Variants in CFAP299 observed in about 807,000 individuals in gnomAD.
The protein encoded by CFAP299 is cilia and flagella associated protein 299.
In CFAP299, 21 loss-of-function variants were observed where a neutral mutation model predicts 27.0. That is an observed-to-expected ratio of 0.78 (90% CI 0.55 to 1.12). The LOEUF (loss-of-function observed/expected upper bound fraction) is 1.12, where lower values mean the gene tolerates loss of function less well. Ranked by LOEUF, CFAP299 falls within the 50% of genes most tolerant of loss-of-function variation. CFAP299 has a pLI of 0.00. For missense variants in CFAP299, 310 were observed against 276.6 expected (o/e 1.12, Z -0.86); for synonymous variants, 104 against 98.1 (o/e 1.06, Z -0.36).
chr4:80,411,436 C>T (rs1472560471), intron 2 of CFAP299, among the ~76,000 whole-genome samples: 1 of 151,862 alleles, frequency 6.6e-6, no homozygotes, highest in African/African-American at 2.4e-5. Flanking sequence ...ATATATAGTA[C>T]TGGGAAAAAT....
chr4:80,944,308 G>A (rs1050656867), intron 4 of CFAP299, among the ~76,000 whole-genome samples: 1 of 149,882 alleles, frequency 6.7e-6, no homozygotes, highest in Non-Finnish European at 1.5e-5. Flanking sequence ...ATCACATCAC[G>A]TTTGGCTCAC....
chr4:80,647,293 TCAAAC>T (rs1454661401), intron 3 of CFAP299, among the ~76,000 whole-genome samples: 1 of 152,150 alleles, frequency 6.6e-6, no homozygotes, highest in Non-Finnish European at 1.5e-5. Flanking sequence ...TGGAGCTGAA[TCAAAC>T]ATCAGTCAAG....
At chr4:80,847,755 T>G (rs1560442489) in intron 3 of CFAP299, among the ~76,000 whole-genome samples, 1 of 152,186 alleles carries the variant, frequency 6.6e-6, no homozygotes, top group Non-Finnish European at 1.5e-5. Flanking sequence ...AAACAATAGC[T>G]TTTAGGGCTA....
chr4:80,386,224 G>T (rs1724973911), intron 2 of CFAP299: 2 of 1,012,518 alleles, frequency 2.0e-6, no homozygotes, highest in Non-Finnish European at 2.9e-6. Context: ...CATGGCACAT[G>T]GGCCCTCGGC....
intron 3 of CFAP299, among the ~76,000 whole-genome samples, chr4:80,658,049 T>C (rs1740654505): frequency 6.6e-6 from 1 of 152,202 alleles, no homozygotes; most frequent in African/African-American, 2.4e-5. Flanking sequence ...TATTGGTGTG[T>C]AGCAATGCTT....
chr4:80,796,031 G>A (rs1435237910), intron 3 of CFAP299, among the ~76,000 whole-genome samples: 1 of 152,116 alleles, frequency 6.6e-6, no homozygotes, highest in African/African-American at 2.4e-5. Context: ...ACAGTAGCCT[G>A]GACCTATTGC....
intron 4 of CFAP299, among the ~76,000 whole-genome samples, chr4:80,926,388 G>A (rs1003280912): frequency 3.3e-5 from 5 of 151,970 alleles, no homozygotes; most frequent in African/African-American, 1.2e-4. Context: ...GCAAGAGGAT[G>A]ATGGATGAGA....
intron 4 of CFAP299, among the ~76,000 whole-genome samples, chr4:80,907,649 T>C (rs1474715134): frequency 6.6e-6 from 1 of 152,242 alleles, no homozygotes; most frequent in African/African-American, 2.4e-5. Context: ...AAGCCCTTTA[T>C]AAAACCATTA....
intron 2 of CFAP299, among the ~76,000 whole-genome samples, chr4:80,565,398 C>T (rs1048116267): frequency 1.3e-5 from 2 of 151,828 alleles, no homozygotes; most frequent in African/African-American, 4.8e-5. Flanking sequence ...AGAATGTTTG[C>T]TTTTATTAAA....
upstream of CFAP299, among the ~76,000 whole-genome samples, chr4:80,330,993 A>G (rs1030947756): frequency 1.3e-5 from 2 of 152,224 alleles, no homozygotes; most frequent in African/African-American, 4.8e-5. Context: ...TTTGTCAAAT[A>G]CTTTATAATA....
chr4:80,426,596 G>A (rs564152975), intron 2 of CFAP299, among the ~76,000 whole-genome samples: 3 of 152,278 alleles, frequency 2.0e-5, no homozygotes, highest in East Asian at 1.9e-4. Context: ...TTCTTGGGTC[G>A]TCCAGCCCTA....
chr4:80,661,503 G>T (rs1169083852), intron 3 of CFAP299, among the ~76,000 whole-genome samples: 1 of 152,058 alleles, frequency 6.6e-6, no homozygotes, highest in South Asian at 2.1e-4. Context: ...AACATAAATT[G>T]TGAAGATTTA....
chr4:80,512,198 G>C (rs1044384142), intron 2 of CFAP299, among the ~76,000 whole-genome samples: 2 of 150,998 alleles, frequency 1.3e-5, no homozygotes, highest in African/African-American at 4.9e-5. Context: ...GGTTGGTAGT[G>C]ATGGCAGGCA....
At chr4:80,371,212 G>T (rs557643945) in intron 2 of CFAP299, among the ~76,000 whole-genome samples, 1 of 152,322 alleles carries the variant, frequency 6.6e-6, no homozygotes, top group East Asian at 1.9e-4. Flanking sequence ...GGGATGCAGG[G>T]ACTGGTGTCC....
chr4:80,543,801 C>T (rs1734109532), intron 2 of CFAP299, among the ~76,000 whole-genome samples: 1 of 152,178 alleles, frequency 6.6e-6, no homozygotes, highest in African/African-American at 2.4e-5. Flanking sequence ...TTCCCAATCT[C>T]ACTAGAGAGA....
chr4:80,549,867 A>G (rs942079502), intron 2 of CFAP299, among the ~76,000 whole-genome samples: 2 of 152,082 alleles, frequency 1.3e-5, no homozygotes, highest in Non-Finnish European at 2.9e-5. Flanking sequence ...AACACAGTTT[A>G]TTTATATTTT....
chr4:80,788,276 ACT>A (rs1195827848), intron 3 of CFAP299, among the ~76,000 whole-genome samples: 4 of 151,980 alleles, frequency 2.6e-5, no homozygotes, highest in Non-Finnish European at 5.9e-5. Context: ...ACAGTGTCTA[ACT>A]CTGCGTAAGC....
intron 4 of CFAP299, among the ~76,000 whole-genome samples, chr4:80,885,444 C>A (rs1241391044): frequency 6.6e-6 from 1 of 152,150 alleles, no homozygotes; most frequent in Non-Finnish European, 1.5e-5. Context: ...CAGTGCAGCT[C>A]ACAGCAACAA....
At chr4:80,518,516 A>G (rs1167189607) in intron 2 of CFAP299, among the ~76,000 whole-genome samples, 1 of 152,214 alleles carries the variant, frequency 6.6e-6, no homozygotes, top group Non-Finnish European at 1.5e-5. Context: ...AATATACAGT[A>G]AAGGTGCTCA....
Sources: allele counts gnomAD v4.1 joint callset (sites outside exome capture counted in the v4.1 genomes callset), GRCh38; gene constraint gnomAD v4.1.1; transcripts MANE v1.5; gene names NCBI Gene and HGNC (gene_info 2026-07-23, HGNC 2026-07-21).